The following MMP16 variants were observed in gnomAD, a reference collection of about 807,000 sequenced individuals.
MMP16 encodes matrix metalloproteinase-16.
A neutral mutation model predicts 67.8 loss-of-function variants in MMP16; 12 were observed. That is an observed-to-expected ratio of 0.18 (90% CI 0.11 to 0.29). The LOEUF (loss-of-function observed/expected upper bound fraction) is 0.29, where lower values mean the gene tolerates loss of function less well. MMP16 is among the 10% of genes least tolerant of loss of function. The pLI is 1.00. For synonymous variants in MMP16, 249 were observed against 255.9 expected (o/e 0.97, Z 0.26); for missense variants, 475 against 765.7 (o/e 0.62, Z 4.48).
At chr8:88,078,893 A>C (rs1223129250) in intron 6 of MMP16, among the ~76,000 whole-genome samples, 1 of 152,056 alleles carries the variant, frequency 6.6e-6, no homozygotes, top group African/African-American at 2.4e-5. Context: ...TGCTCTATCT[A>C]GTCTTCCTCC....
chr8:88,143,928 T>A (rs1808251214), intron 4 of MMP16, among the ~76,000 whole-genome samples: 1 of 151,992 alleles, frequency 6.6e-6, no homozygotes, highest in South Asian at 2.1e-4. Context: ...CTCTGAATCA[T>A]CTTCCTAAGA....
At chr8:88,119,361 T>G (rs1424331812) in intron 4 of MMP16, among the ~76,000 whole-genome samples, 1 of 152,046 alleles carries the variant, frequency 6.6e-6, no homozygotes, top group African/African-American at 2.4e-5. Flanking sequence ...CAAGATATTT[T>G]GACTCCTAGA....
intron 1 of MMP16, among the ~76,000 whole-genome samples, chr8:88,237,681 C>CAACAACAA (rs1554587734): frequency 4.6e-5 from 7 of 151,172 alleles, no homozygotes; most frequent in African/African-American, 1.2e-4. Flanking sequence ...ACAACAACAA[C>CAACAACAA]AAAAAACAAC....
intron 6 of MMP16, among the ~76,000 whole-genome samples, chr8:88,109,178 G>A (rs866417717): frequency 1.3e-5 from 2 of 151,242 alleles, no homozygotes; most frequent in East Asian, 1.9e-4. Flanking sequence ...ATTCATTTGT[G>A]TCAAAAATAT....
intron 1 of MMP16, among the ~76,000 whole-genome samples, chr8:88,287,765 T>C (rs905677065): frequency 1.3e-5 from 2 of 152,210 alleles, no homozygotes; most frequent in Non-Finnish European, 2.9e-5. Flanking sequence ...TCACTTCCTA[T>C]GTGTCAGACA....
At chr8:88,198,623 G>A (rs1385021026) in intron 1 of MMP16, among the ~76,000 whole-genome samples, 1 of 151,996 alleles carries the variant, frequency 6.6e-6, no homozygotes, top group Non-Finnish European at 1.5e-5. Flanking sequence ...GTCTTAAAAT[G>A]TGAAACACAA....
chr8:88,321,101 T>C (rs1356879906), intron 1 of MMP16, among the ~76,000 whole-genome samples: 1 of 152,202 alleles, frequency 6.6e-6, no homozygotes, highest in East Asian at 1.9e-4. Context: ...GAATTTTTTA[T>C]TGTTCACATA....
intron 1 of MMP16, among the ~76,000 whole-genome samples, chr8:88,286,477 C>A (rs1453534914): frequency 1.3e-5 from 2 of 152,086 alleles, no homozygotes; most frequent in Admixed American, 6.6e-5. Context: ...TCCATATGTT[C>A]CAAATCAAAC....
chr8:88,263,945 C>T (rs370100410), intron 1 of MMP16, among the ~76,000 whole-genome samples: 2 of 146,184 alleles, frequency 1.4e-5, no homozygotes, highest in South Asian at 4.4e-4. Flanking sequence ...AACCTCCCTA[C>T]AAAAATGGCA....
chr8:88,269,220 G>A (rs1810526579), intron 1 of MMP16, among the ~76,000 whole-genome samples: 1 of 152,160 alleles, frequency 6.6e-6, no homozygotes, highest in African/African-American at 2.4e-5. Flanking sequence ...ATGGAAAATA[G>A]TACTATGTAG....
chr8:88,276,307 T>C (rs529950477), intron 1 of MMP16, among the ~76,000 whole-genome samples: 52 of 152,254 alleles, frequency 3.4e-4, no homozygotes, highest in Non-Finnish European at 5.9e-4. Flanking sequence ...TAAGTGGGTG[T>C]GTGCATGTGC....
At chr8:88,163,407 A>G (rs1808662848) in intron 4 of MMP16, among the ~76,000 whole-genome samples, 1 of 152,030 alleles carries the variant, frequency 6.6e-6, no homozygotes, top group African/African-American at 2.4e-5. Context: ...GCCTGCTACC[A>G]CAGCGTTGAT....
intron 1 of MMP16, among the ~76,000 whole-genome samples, chr8:88,246,254 C>T (rs922323478): frequency 6.6e-6 from 1 of 152,144 alleles, no homozygotes; most frequent in African/African-American, 2.4e-5. Flanking sequence ...ATTTAGATGA[C>T]TTGTCAAGTT....
intron 1 of MMP16, among the ~76,000 whole-genome samples, chr8:88,310,374 C>T (rs1811276445): frequency 6.6e-6 from 1 of 151,910 alleles, no homozygotes; most frequent in South Asian, 2.1e-4. Flanking sequence ...TAAATATGAC[C>T]CTTGATTATT....
At chr8:88,178,062 A>G (rs141064825) in intron 3 of MMP16, among the ~76,000 whole-genome samples, 35 of 152,250 alleles carry the variant, frequency 2.3e-4, no homozygotes, top group Middle Eastern at 3.4e-3. Flanking sequence ...CATTAAATAC[A>G]ACCTAACCCC....
rs1002644946 is a variant in MMP16, at chr8:88,032,153, C to A, written c.*9308G>T. The A allele has an allele frequency of 6.6e-6, 1 of 152,100 alleles. No homozygotes were observed. Among genetic ancestry groups the A allele is most frequent in the South Asian group, 2.1e-4 (1 of 4,830 alleles). The allele number at this position is 152,100 out of a possible 1,614,324, so 9.4% of individuals were successfully genotyped here. ...CTTACAGCAGACAAAAACTGCCCCA[C>A]CCCTAATCCCCTCCTTGAATGGAAA... On this transcript the variant is annotated 3_prime_UTR_variant, in exon 10 of 10. Transcript: ENST00000286614.
intron 6 of MMP16, among the ~76,000 whole-genome samples, chr8:88,096,056 G>A (rs967517934): frequency 2.0e-5 from 3 of 151,960 alleles, no homozygotes; most frequent in African/African-American, 7.2e-5. Flanking sequence ...TCATTGTACA[G>A]ATCTACAATC....
intron 7 of MMP16, among the ~76,000 whole-genome samples, chr8:88,057,382 T>C (rs1384513534): frequency 1.3e-5 from 2 of 152,066 alleles, no homozygotes; most frequent in Admixed American, 6.6e-5. Context: ...TCCACTAATA[T>C]TAAGATATTT....
At chr8:88,140,840 C>A (rs1808200414) in intron 4 of MMP16, among the ~76,000 whole-genome samples, 1 of 152,034 alleles carries the variant, frequency 6.6e-6, no homozygotes, top group Non-Finnish European at 1.5e-5. Context: ...AAATCAGACT[C>A]TGCGCTTAAA....
Sources: allele counts gnomAD v4.1 joint callset (sites outside exome capture counted in the v4.1 genomes callset), GRCh38; gene constraint gnomAD v4.1.1; transcripts MANE v1.5; gene names NCBI Gene and HGNC (gene_info 2026-07-23, HGNC 2026-07-21).